The following COP1 variants were observed in gnomAD, a reference collection of about 807,000 sequenced individuals.
The protein encoded by COP1 is COP1 E3 ubiquitin ligase.
Under a neutral mutation model 101.3 loss-of-function variants are expected in COP1, and 24 were observed. The observed-to-expected ratio is 0.24, with a 90% CI of 0.17 to 0.33. The LOEUF is 0.33. Among genes scored for constraint, COP1 ranks in the 10% least tolerant of loss-of-function variants. COP1 has a pLI of 1.00. For missense variants in COP1, 663 were observed against 906.2 expected (o/e 0.73, Z 3.45); for synonymous variants, 347 against 341.9 (o/e 1.01, Z -0.17).
rs2149182074 is a variant in COP1, at chr1:176,043,177, A to G, written c.1612+9T>C. 1 of 1,585,846 alleles carries G rather than the reference A, an allele frequency of 6.3e-7. No individual in the cohort carries two copies. The highest frequency in any genetic ancestry group is 1.1e-5 in the South Asian group (1 of 90,192). ...GAAGGAGGTGCTGAGAAAGAGATTC[A>G]AACAGTACCTTTTGCATCATCAGAA... On this transcript the variant is annotated intron_variant, in intron 14 of 19. Transcript: ENST00000367669.
rs187144033 is a variant in COP1 at position 175,997,923 on chromosome 1, A to C, written c.1730-8444T>G. ...GGTATATACCCAAAGGACTATAAAT[A>C]ATGCTGCTATAAAGACACATGCACA... On this transcript the variant is annotated intron_variant, in intron 15 of 19. Coordinates refer to ENST00000367669, the MANE Select transcript of COP1 (RefSeq NM_022457.7). Among the ~76,000 whole-genome samples the C allele has an allele frequency of 1.3e-3, 204 of 152,018 alleles. 3 individuals are homozygous for C. The highest frequency in any genetic ancestry group is 0.01 in the Admixed American group (153 of 15,256).
intron 18 of COP1, among the ~76,000 whole-genome samples, chr1:175,955,504 A>G (rs1383080717): frequency 1.3e-5 from 2 of 152,160 alleles, no homozygotes; most frequent in Non-Finnish European, 2.9e-5. Context: ...GCGACAGTCA[A>G]GAAAAGGAAA....
intron 4 of COP1, 118 bp downstream of exon 4, chr1:176,163,697 A>G: frequency 1.6e-6 from 1 of 622,050 alleles, no homozygotes; most frequent in Non-Finnish European, 2.8e-6. Context: ...ACAATCCTAA[A>G]CAATCGCCTT....
intron 18 of COP1, among the ~76,000 whole-genome samples, chr1:175,980,298 T>C (rs1223566788): frequency 6.6e-6 from 1 of 152,162 alleles, no homozygotes; most frequent in Non-Finnish European, 1.5e-5. Flanking sequence ...AGACAGTATA[T>C]TAATTCATTC....
At chr1:175,994,100 A>G (rs1482220688) in intron 15 of COP1, among the ~76,000 whole-genome samples, 6 of 152,198 alleles carry the variant, frequency 3.9e-5, no homozygotes, top group Admixed American at 3.9e-4. Context: ...CAACATTCCT[A>G]AAGAAAAGAA....
Position 175,971,686 on chromosome 1 carries a change from A to T in COP1, c.2133+15257T>A, listed in dbSNP as rs143241436. Among the ~76,000 whole-genome samples the T allele has an allele frequency of 2.6e-3, 400 of 152,332 alleles. 3 individuals are homozygous for T. Among genetic ancestry groups the T allele is most frequent in the African/African-American group, 9.2e-3 (382 of 41,586 alleles). On this transcript the variant is annotated intron_variant, in intron 18 of 19. Transcript: ENST00000367669. Reference sequence around the variant, plus strand: ...CATTGTAATAAATCAGTCAATGTTTAATGGAATTTGGCTGTAAACATCAGA... The same window carrying T: ...CATTGTAATAAATCAGTCAATGTTTTATGGAATTTGGCTGTAAACATCAGA...
chr1:176,103,316 G>C (rs1683732872), intron 9 of COP1, among the ~76,000 whole-genome samples: 1 of 152,152 alleles, frequency 6.6e-6, no homozygotes, highest in African/African-American at 2.4e-5. Context: ...TAATTAGTTG[G>C]AACTTTTGCA....
chr1:176,160,804 A>T (rs1304564691), intron 5 of COP1, among the ~76,000 whole-genome samples: 1 of 152,200 alleles, frequency 6.6e-6, no homozygotes, highest in Non-Finnish European at 1.5e-5. Flanking sequence ...GAGAAACAGG[A>T]ACACCCACAT....
chr1:176,087,262 T>C (rs986137485), intron 9 of COP1, among the ~76,000 whole-genome samples: 1 of 152,124 alleles, frequency 6.6e-6, no homozygotes, highest in Non-Finnish European at 1.5e-5. Flanking sequence ...ACAAATGGGA[T>C]CTAATTAAAC....
chr1:176,155,368 G>A lies in COP1; in HGVS notation c.763-6294C>T, dbSNP rs942256899. On this transcript the variant is annotated intron_variant, in intron 5 of 19. Coordinates refer to ENST00000367669, the MANE Select transcript of COP1 (RefSeq NM_022457.7). ...GTAAATAAATATAAATTTAAAAATCGATGAAATTAAGAGCAAAGCAGACAT... is the reference window on the plus strand; with the variant it reads ...GTAAATAAATATAAATTTAAAAATCAATGAAATTAAGAGCAAAGCAGACAT... Among the ~76,000 whole-genome samples, 4 of 151,272 alleles carry A rather than the reference G, an allele frequency of 2.6e-5. No homozygotes were observed. In the South Asian group the frequency reaches 6.3e-4, roughly 24 times the overall value.
At chr1:176,198,138 A>C (rs963377712) in intron 1 of COP1, among the ~76,000 whole-genome samples, 4 of 152,166 alleles carry the variant, frequency 2.6e-5, no homozygotes, top group Non-Finnish European at 5.9e-5. Flanking sequence ...AGAAATTGGC[A>C]CGCTAATCCT....
intron 11 of COP1, among the ~76,000 whole-genome samples, chr1:176,058,448 G>A (rs1297167642): frequency 6.6e-6 from 1 of 152,178 alleles, no homozygotes; most frequent in Non-Finnish European, 1.5e-5. Flanking sequence ...CTGTTGATCT[G>A]TGACCTTACC....
At chr1:176,002,077 C>T (rs1284282063) in intron 15 of COP1, among the ~76,000 whole-genome samples, 1 of 151,986 alleles carries the variant, frequency 6.6e-6, no homozygotes, top group African/African-American at 2.4e-5. Context: ...AGGTGTACAT[C>T]TTATCTACTT....
intron 14 of COP1, among the ~76,000 whole-genome samples, chr1:176,029,976 G>T (rs1029705356): frequency 1.3e-5 from 2 of 151,948 alleles, no homozygotes; most frequent in African/African-American, 2.4e-5. Context: ...TTGAGACAAG[G>T]TCTCAAACTC....
At chr1:175,993,517 A>G (rs1659231701) in intron 15 of COP1, among the ~76,000 whole-genome samples, 1 of 152,194 alleles carries the variant, frequency 6.6e-6, no homozygotes, top group African/African-American at 2.4e-5. Context: ...ACGAATGTAT[A>G]ACTAGAATAA....
At chr1:176,000,852 G>C (rs1557886351) in intron 15 of COP1, among the ~76,000 whole-genome samples, 2 of 151,790 alleles carry the variant, frequency 1.3e-5, no homozygotes, top group African/African-American at 4.8e-5. Context: ...TTTTCAGAGT[G>C]TTTTTTCTGG....
In COP1 at chr1:175,945,036, C is replaced by A; in HGVS notation, c.*117G>T. ...AAGAAAAAAATATTCAAAACAAATC[C>A]AAAACCCATGATGACTTTGGGGAGA... On this transcript the variant is annotated 3_prime_UTR_variant, in exon 20 of 20. Transcript: ENST00000367669. 1.2e-6 allele frequency: 1 copy of A among 831,924 alleles called. No homozygotes were observed. Among genetic ancestry groups the A allele is most frequent in the South Asian group, 1.6e-5 (1 of 62,324 alleles). 51.5% of individuals were successfully genotyped at this position (831,924 alleles called of 1,614,324 possible). A position where few individuals can be genotyped will look rare whatever the true frequency, so the allele number is the denominator to read the frequency against.
intron 8 of COP1, among the ~76,000 whole-genome samples, chr1:176,133,267 C>T (rs1023764843): frequency 2.0e-5 from 3 of 150,374 alleles, no homozygotes; most frequent in Non-Finnish European, 3.0e-5. Context: ...TATATACGTA[C>T]GTATATATAT....
chr1:176,207,028 C>A lies in COP1; in HGVS notation c.-50G>T. Reference sequence around the variant, plus strand: ...GCGCTCGGAGGAGAGGGACCGCGACCTCGACCCTCCGCCGCCTCCCCTCCC... The same window carrying A: ...GCGCTCGGAGGAGAGGGACCGCGACATCGACCCTCCGCCGCCTCCCCTCCC... On this transcript the variant is annotated 5_prime_UTR_variant, in exon 1 of 20. In the 5' UTR this introduces an upstream ATG that the reference lacks. Transcript: ENST00000367669. 7.5e-7 allele frequency: 1 copy of A among 1,329,420 alleles called. No homozygotes were observed. The highest frequency in any genetic ancestry group is 9.6e-7 in the Non-Finnish European group (1 of 1,038,730). 82.4% of individuals were successfully genotyped at this position (1,329,420 alleles called of 1,614,324 possible). A position where few individuals can be genotyped will look rare whatever the true frequency, so the allele number is the denominator to read the frequency against.
Sources: allele counts gnomAD v4.1 joint callset (sites outside exome capture counted in the v4.1 genomes callset), GRCh38; gene constraint gnomAD v4.1.1; transcripts MANE v1.5; gene names NCBI Gene and HGNC (gene_info 2026-07-23, HGNC 2026-07-21).